ELF2: variants seen among roughly 807,000 people sequenced by gnomAD.
ELF2 encodes ETS-related transcription factor Elf-2.
A neutral mutation model predicts 54.8 loss-of-function variants in ELF2; 11 were observed. The observed-to-expected ratio is 0.20, with a 90% confidence interval of 0.13 to 0.33. The LOEUF (loss-of-function observed/expected upper bound fraction) is 0.33, where lower values mean the gene tolerates loss of function less well. Ranked by LOEUF, ELF2 falls within the 10% of genes least tolerant of loss-of-function variation. The probability of loss-of-function intolerance (pLI) is 1.00; values close to 1 mark genes in which losing one functional copy is unlikely to be tolerated. For synonymous variants in ELF2, 203 were observed against 245.1 expected (o/e 0.83, Z 1.61); for missense variants, 513 against 703.0 (o/e 0.73, Z 3.06).
chr4:139,100,941 TAC>T lies in ELF2; in HGVS notation c.238+24221_238+24222del, dbSNP rs372505252. Among the ~76,000 whole-genome samples the T allele has an allele frequency of 6.1e-3, 924 of 152,258 alleles. 12 individuals carry two copies. Among genetic ancestry groups the T allele is most frequent in the African/African-American group, 0.021 (889 of 41,546 alleles). ...ATCAACATAGCTCATGTAAAAAAAC[TAC>T]AGAGTGAACTAGCCTAGTAGCAATG... On this transcript the variant is annotated intron_variant, in intron 4 of 9. Coordinates refer to ENST00000686138, the MANE Select transcript of ELF2 (RefSeq NM_001331036.3).
intron 2 of ELF2, 77 bp downstream of exon 2, chr4:139,139,334 CCA>C (rs1738486038): frequency 1.4e-6 from 1 of 712,966 alleles, no homozygotes; most frequent in Non-Finnish European, 1.9e-6. Flanking sequence ...TAATAAAATT[CCA>C]CAGTCCCATC....
At chr4:139,138,488 A>G (rs1738401338) in intron 2 of ELF2, among the ~76,000 whole-genome samples, 2 of 152,180 alleles carry the variant, frequency 1.3e-5, no homozygotes, top group African/African-American at 2.4e-5. Context: ...GTTAGTTTCT[A>G]TAAATGTTAA....
chr4:139,147,763 G>A (rs965748828), intron 1 of ELF2, among the ~76,000 whole-genome samples: 6 of 149,230 alleles, frequency 4.0e-5, no homozygotes, highest in African/African-American at 4.9e-5. Context: ...CGTCAGCCAC[G>A]GCACCCAGCC....
intron 4 of ELF2, among the ~76,000 whole-genome samples, chr4:139,093,763 G>A (rs1338513019): frequency 6.6e-6 from 1 of 152,036 alleles, no homozygotes; most frequent in East Asian, 1.9e-4. Context: ...ATATACTAAA[G>A]CCTATAACAA....
intron 8 of ELF2, 39 bp from the exon 9 acceptor site, chr4:139,060,713 A>C: frequency 6.6e-7 from 1 of 1,519,830 alleles, no homozygotes; most frequent in Non-Finnish European, 8.9e-7. Flanking sequence ...CAAGTATATT[A>C]TTTCTTCACC....
intron 1 of ELF2, among the ~76,000 whole-genome samples, chr4:139,140,191 C>T (rs1057424352): frequency 6.6e-6 from 1 of 152,158 alleles, no homozygotes; most frequent in African/African-American, 2.4e-5. Context: ...ATTCTGCCAC[C>T]TCAGCCTCCT....
intron 4 of ELF2, chr4:139,084,450 C>CGGT: frequency 8.7e-7 from 1 of 1,147,256 alleles, no homozygotes; most frequent in Non-Finnish European, 1.1e-6. Context: ...GCGGCGGCGG[C>CGGT]GGCGGCGGCG....
chr4:139,133,923 T>C (rs1237015681), intron 3 of ELF2, among the ~76,000 whole-genome samples: 1 of 152,242 alleles, frequency 6.6e-6, no homozygotes, highest in Non-Finnish European at 1.5e-5. Context: ...CATTTCTAGG[T>C]ACACAGTTAT....
At chr4:139,066,037 C>A (rs1728660754) in intron 7 of ELF2, 2 of 89,964 alleles carry the variant, frequency 2.2e-5, no homozygotes, top group African/African-American at 9.0e-5. Context: ...TTTTTTTGAC[C>A]TAATGAAATA....
chr4:139,065,822 A>G (rs1728613442), intron 7 of ELF2, among the ~76,000 whole-genome samples: 1 of 152,180 alleles, frequency 6.6e-6, no homozygotes, highest in African/African-American at 2.4e-5. Context: ...AACAGTAATA[A>G]CTGTATATTT....
chr4:139,143,439 A>G, intron 1 of ELF2, among the ~76,000 whole-genome samples: 1 of 152,178 alleles, frequency 6.6e-6, no homozygotes, highest in East Asian at 1.9e-4. Flanking sequence ...TTAAAAGGCC[A>G]GCAAACCCCA....
At chr4:139,152,311 A>G (rs752356065) in intron 1 of ELF2, among the ~76,000 whole-genome samples, 3 of 152,140 alleles carry the variant, frequency 2.0e-5, no homozygotes, top group African/African-American at 4.8e-5. Context: ...ACACTGAATG[A>G]GAAGAATTGT....
intron 6 of ELF2, among the ~76,000 whole-genome samples, chr4:139,071,429 T>C (rs1278878730): frequency 6.6e-6 from 1 of 152,062 alleles, no homozygotes; most frequent in African/African-American, 2.4e-5. Flanking sequence ...CAGCTGGGAC[T>C]AAAGGCGTGC....
intron 4 of ELF2, chr4:139,114,968 G>A (rs544283094): frequency 1.4e-5 from 23 of 1,613,630 alleles, no homozygotes; most frequent in African/African-American, 4.0e-5. Flanking sequence ...TGCATGCCCC[G>A]GATCTTGTCC....
intron 1 of ELF2, among the ~76,000 whole-genome samples, chr4:139,148,197 G>C (rs1238771208): frequency 7.3e-5 from 11 of 151,482 alleles, no homozygotes; most frequent in African/African-American, 2.2e-4. Flanking sequence ...GATTTTTTTG[G>C]GGGGGTGGGG....
At chr4:139,085,952 G>A (rs1578751907) in intron 4 of ELF2, among the ~76,000 whole-genome samples, 1 of 152,050 alleles carries the variant, frequency 6.6e-6, no homozygotes, top group East Asian at 1.9e-4. Flanking sequence ...TTTACACATT[G>A]GGAAACTGAG....
intron 1 of ELF2, among the ~76,000 whole-genome samples, chr4:139,165,480 T>C (rs1741625143): frequency 1.3e-5 from 2 of 151,930 alleles, no homozygotes; most frequent in South Asian, 2.1e-4. Context: ...CTGACCAACA[T>C]GGAGAAACCC....
chr4:139,126,075 A>G (rs1736887051), intron 3 of ELF2, among the ~76,000 whole-genome samples: 1 of 152,210 alleles, frequency 6.6e-6, no homozygotes, highest in East Asian at 1.9e-4. Context: ...AAAGCCAAAT[A>G]TTCATATTCC....
chr4:139,162,805 A>G (rs539140347), intron 1 of ELF2, among the ~76,000 whole-genome samples: 7 of 152,272 alleles, frequency 4.6e-5, no homozygotes, highest in East Asian at 1.9e-4. Context: ...TTTGTAAAAA[A>G]TATTTAAAAG....
Sources: allele counts gnomAD v4.1 joint callset (sites outside exome capture counted in the v4.1 genomes callset), GRCh38; gene constraint gnomAD v4.1.1; transcripts MANE v1.5; gene names NCBI Gene and HGNC (gene_info 2026-07-23, HGNC 2026-07-21).